The following TRMT11 variants were observed in gnomAD, a reference collection of about 807,000 sequenced individuals.
TRMT11 encodes the protein tRNA (guanine(10)-N(2))-methyltransferase TRMT11.
Under a neutral mutation model 62.8 loss-of-function variants are expected in TRMT11, and 53 were observed. The ratio of observed to expected loss-of-function variants is 0.84; its 90% confidence interval spans 0.68 to 1.06. The LOEUF (loss-of-function observed/expected upper bound fraction) is 1.06. TRMT11 is among the 50% of genes least tolerant of loss of function. TRMT11 has a pLI of 0.00. For synonymous variants in TRMT11, 188 were observed against 190.3 expected, an observed-to-expected ratio of 0.99 and a Z score of 0.10; for missense variants, 556 against 553.4, an observed-to-expected ratio of 1.00 and a Z score of -0.05.
chr6:126,007,389 G>A (rs1793520023), intron 7 of TRMT11, among the ~76,000 whole-genome samples: 1 of 151,802 alleles, frequency 6.6e-6, no homozygotes, highest in Non-Finnish European at 1.5e-5. Context: ...AAGAGCCCCA[G>A]TATTTTTTCC....
downstream of TRMT11, among the ~76,000 whole-genome samples, chr6:126,042,869 G>A (rs1339395446): frequency 6.6e-6 from 1 of 152,156 alleles, no homozygotes; most frequent in Non-Finnish European, 1.5e-5. Flanking sequence ...AAAGTAATGT[G>A]TTGTAAGTTG....
chr6:126,137,581 A>G (rs1189347525), intron 21 of TRMT11, among the ~76,000 whole-genome samples: 1 of 151,810 alleles, frequency 6.6e-6, no homozygotes, highest in African/African-American at 2.4e-5. Flanking sequence ...AAAAACAAAG[A>G]TAGTACTACT....
chr6:126,075,155 C>T (rs1776982140), intron 17 of TRMT11, among the ~76,000 whole-genome samples: 1 of 152,118 alleles, frequency 6.6e-6, no homozygotes, highest in Non-Finnish European at 1.5e-5. Flanking sequence ...CAGGAAGACA[C>T]ATGCAGGATA....
At position 126,009,739 on chromosome 6, in the gene TRMT11, C is replaced by T. The variant is rs183935326; in HGVS notation, c.760+1267C>T. Among the ~76,000 whole-genome samples the T allele has an allele frequency of 2.9e-3, 438 of 152,088 alleles. 1 individual carries two copies. Among genetic ancestry groups the T allele is most frequent in the African/African-American group, 9.8e-3 (409 of 41,542 alleles). On this transcript the variant is annotated intron_variant, in intron 8 of 12. Coordinates refer to ENST00000334379, the MANE Select transcript of TRMT11 (RefSeq NM_001031712.3). ...CTAGCAAGAAAAAGATATTCTTTAT[C>T]TGAAATCTGTTTTAAAAAGTACTAA...
chr6:126,180,319 A>G (rs904946818), intron 1 of TRMT11, among the ~76,000 whole-genome samples: 2 of 152,196 alleles, frequency 1.3e-5, no homozygotes, highest in African/African-American at 2.4e-5. Context: ...AATATTCTGT[A>G]TAAGTGATAA....
chr6:126,095,034 C>A (rs1177896620), intron 17 of TRMT11, among the ~76,000 whole-genome samples: 1 of 152,172 alleles, frequency 6.6e-6, no homozygotes, highest in African/African-American at 2.4e-5. Flanking sequence ...TTTCATTCTA[C>A]ATTAAGACGA....
In TRMT11 at chr6:125,998,312, A is replaced by G; in HGVS notation, c.384A>G (p.Ile128Met). 1 of 1,580,364 alleles carries G rather than the reference A, an allele frequency of 6.3e-7. No homozygotes were observed. Among genetic ancestry groups the G allele is most frequent in the Non-Finnish European group, 8.7e-7 (1 of 1,155,440 alleles). ...TLTQEEKIKRIDALEFLPFEG... is the reference protein window; with the variant it reads ...TLTQEEKIKRMDALEFLPFEG... ...CACAAGAAGAGAAAATCAAGCGAAT[A>G]GATGTAAGTAAATTTAGCAAAACAA... The change falls in exon 5 of 13, where the codon ATA becomes ATG. Residue 128 changes from isoleucine to methionine, a missense_variant. Physicochemically the swap from Ile to Met is conservative, Grantham distance 10. Coordinates refer to ENST00000334379, the MANE Select transcript of TRMT11 (RefSeq NM_001031712.3).
chr6:126,243,553 A>G, the TRMT11 span, among the ~76,000 whole-genome samples: 1 of 152,218 alleles, frequency 6.6e-6, no homozygotes, highest in Non-Finnish European at 1.5e-5. Flanking sequence ...CAACAATGAT[A>G]GACTGGATTA....
At chr6:126,165,794 T>C (rs910894574) in intron 21 of TRMT11, among the ~76,000 whole-genome samples, 7 of 152,178 alleles carry the variant, frequency 4.6e-5, no homozygotes, top group Admixed American at 4.6e-4. Flanking sequence ...ATCTTTGTGG[T>C]ATTCTCTGTA....
intron 1 of TRMT11, among the ~76,000 whole-genome samples, chr6:125,990,031 C>T (rs1271103662): frequency 6.6e-6 from 1 of 152,042 alleles, no homozygotes; most frequent in Admixed American, 6.6e-5. Flanking sequence ...TTTTCAGATC[C>T]ACAGTTCCCT....
chr6:126,248,604 C>T, the TRMT11 span, among the ~76,000 whole-genome samples: 1 of 152,078 alleles, frequency 6.6e-6, no homozygotes, highest in African/African-American at 2.4e-5. Context: ...TATCAATCAA[C>T]AATCGACTTA....
chr6:126,106,752 A>G (rs567078499), intron 17 of TRMT11, among the ~76,000 whole-genome samples: 1 of 152,294 alleles, frequency 6.6e-6, no homozygotes, highest in African/African-American at 2.4e-5. Context: ...ATCCATATAA[A>G]GAGCTTAGCC....
At chr6:126,065,366 A>G (rs1218817292) in intron 17 of TRMT11, among the ~76,000 whole-genome samples, 1 of 152,008 alleles carries the variant, frequency 6.6e-6, no homozygotes, top group African/African-American at 2.4e-5. Flanking sequence ...AGAGGCAACC[A>G]CAGAGAGCCA....
chr6:126,171,735 A>G (rs969208993), intron 21 of TRMT11, among the ~76,000 whole-genome samples: 5 of 152,020 alleles, frequency 3.3e-5, no homozygotes, highest in Admixed American at 2.0e-4. Context: ...TCTTTTTTTA[A>G]GAGAGAGAGT....
chr6:126,234,942 T>C, the TRMT11 span, among the ~76,000 whole-genome samples: 1 of 152,236 alleles, frequency 6.6e-6, no homozygotes, highest in Non-Finnish European at 1.5e-5. Flanking sequence ...CAAGGATGGC[T>C]GTCTTCTTTG....
In TRMT11 at chr6:126,141,769, A is replaced by G. The variant is rs118116556; in HGVS notation, c.*1823+25914A>G. Among the ~76,000 whole-genome samples the G allele has an allele frequency of 1.2e-3, 189 of 152,220 alleles. 5 individuals are homozygous for G. The East Asian group carries it at 0.035, about 28-fold the overall frequency. On this transcript the variant is annotated intron_variant and NMD_transcript_variant, in intron 21 of 22. Transcript: ENST00000648977. The stretch of plus-strand genomic sequence containing the variant: ...CTTTATCTTTGACCTTCTTTGCAAG[A>G]TATTAATAAATGCTTTTTATTCTAA...
chr6:126,128,466 T>C (rs1777743195), intron 21 of TRMT11, among the ~76,000 whole-genome samples: 1 of 152,110 alleles, frequency 6.6e-6, no homozygotes, highest in East Asian at 1.9e-4. Flanking sequence ...TTATTAGTAT[T>C]TCTCCCCAGA....
the TRMT11 span, among the ~76,000 whole-genome samples, chr6:126,213,090 G>T: frequency 6.6e-6 from 1 of 151,954 alleles, no homozygotes; most frequent in Non-Finnish European, 1.5e-5. Context: ...TAGATGTGTG[G>T]ACTTGTACCA....
chr6:126,093,627 A>ATTTTTTTTTTTTTTTTTTTT (rs1343339966), intron 17 of TRMT11, among the ~76,000 whole-genome samples: 2 of 94,636 alleles, frequency 2.1e-5, no homozygotes, highest in African/African-American at 9.5e-5. Flanking sequence ...ATATATATAT[A>ATTTTTTTTTTTTTTTTTTTT]TATATTTTCC....
Sources: gnomAD v4.1 joint callset for allele counts (sites outside exome capture counted in the v4.1 genomes callset) on GRCh38, gnomAD v4.1.1 for gene constraint, MANE v1.5 for transcripts, NCBI Gene and HGNC (gene_info 2026-07-23, HGNC 2026-07-21) for gene names.